The following EYA1 variants were observed in gnomAD, a reference collection of about 807,000 sequenced individuals.
The protein encoded by EYA1 is protein phosphatase EYA1.
EYA1 carries 16 observed loss-of-function variants against 82.0 expected under a neutral mutation model. The ratio of observed to expected loss-of-function variants is 0.20; its 90% CI spans 0.13 to 0.30. The LOEUF (loss-of-function observed/expected upper bound fraction) is 0.30, where lower values mean the gene tolerates loss of function less well. EYA1 is among the 10% of genes least tolerant of loss of function. EYA1 has a pLI of 1.00. For synonymous variants in EYA1, 261 were observed against 264.4 expected (o/e 0.99, Z 0.12); for missense variants, 633 against 730.7 (o/e 0.87, Z 1.54).
chr8:71,405,196 C>G (rs2129131982), intron 2 of EYA1, among the ~76,000 whole-genome samples: 1 of 152,226 alleles, frequency 6.6e-6, no homozygotes, highest in Non-Finnish European at 1.5e-5. Context: ...TAGCTTATTT[C>G]CTTTTCTGAA....
At chr8:71,469,624 C>A (rs897486077) in intron 2 of EYA1, among the ~76,000 whole-genome samples, 3 of 152,074 alleles carry the variant, frequency 2.0e-5, no homozygotes, top group Non-Finnish European at 4.4e-5. Context: ...ATGCAGTCAA[C>A]TGTTTTTACA....
intron 1 of EYA1, among the ~76,000 whole-genome samples, chr8:71,357,778 A>G (rs988334437): frequency 6.6e-6 from 1 of 152,236 alleles, no homozygotes; most frequent in Non-Finnish European, 1.5e-5. Flanking sequence ...TGTTTCTACA[A>G]TACGTGCAGG....
chr8:71,308,904 T>C (rs1032275675), intron 7 of EYA1, among the ~76,000 whole-genome samples: 8 of 152,158 alleles, frequency 5.3e-5, no homozygotes, highest in African/African-American at 1.9e-4. Flanking sequence ...TTGTCCCTCG[T>C]GTATTTTCAC....
chr8:71,490,214 G>A (rs1183249606), intron 2 of EYA1, among the ~76,000 whole-genome samples: 1 of 152,178 alleles, frequency 6.6e-6, no homozygotes, highest in Non-Finnish European at 1.5e-5. Flanking sequence ...AGTTGTGGGT[G>A]ACCTTTAGTA....
At chr8:71,420,088 T>C (rs1451730652) in intron 2 of EYA1, among the ~76,000 whole-genome samples, 1 of 152,176 alleles carries the variant, frequency 6.6e-6, no homozygotes, top group South Asian at 2.1e-4. Flanking sequence ...CCATGCATAA[T>C]TGATAGGCTC....
intron 3 of EYA1, among the ~76,000 whole-genome samples, chr8:71,339,802 C>T (rs1299344148): frequency 6.6e-6 from 1 of 152,174 alleles, no homozygotes; most frequent in Non-Finnish European, 1.5e-5. Flanking sequence ...TTCCTTGATA[C>T]TTCTTTTTAT....
chr8:71,452,430 C>T (rs1240041115), intron 2 of EYA1, among the ~76,000 whole-genome samples: 2 of 152,154 alleles, frequency 1.3e-5, no homozygotes, highest in African/African-American at 4.8e-5. Flanking sequence ...AGTGGTTCTC[C>T]CAGCACGGAG....
At chr8:71,248,769 CTG>C (rs1178523132) in intron 11 of EYA1, among the ~76,000 whole-genome samples, 7 of 152,266 alleles carry the variant, frequency 4.6e-5, no homozygotes, top group South Asian at 4.1e-4. Context: ...TACGTTAACA[CTG>C]TTAAAATTTC....
intron 12 of EYA1, chr8:71,225,327 G>T (rs1027174154): frequency 2.2e-6 from 1 of 456,094 alleles, no homozygotes; most frequent in Non-Finnish European, 4.4e-6. Flanking sequence ...GAGGGTATGT[G>T]GTTTGTAGCC....
chr8:71,495,812 G>A (rs1332845714), intron 2 of EYA1, among the ~76,000 whole-genome samples: 1 of 152,046 alleles, frequency 6.6e-6, no homozygotes, highest in African/African-American at 2.4e-5. Flanking sequence ...GATATGAGTG[G>A]TCTCCCTGGG....
rs190337134 is a variant in EYA1, at chr8:71,523,617, A to G, written c.33+12127T>C. Among the ~76,000 whole-genome samples the G allele has an allele frequency of 2.0e-3, 302 of 152,336 alleles. 4 individuals are homozygous for G. The highest frequency in any genetic ancestry group is 7.0e-3 in the Admixed American group (107 of 15,294). ...TAATGCTCAAAGTAATGAGAAGTTC[A>G]CCATAGAATCTCATTGCACACTTGT... On this transcript the variant is annotated intron_variant, in intron 2 of 18. Transcript: ENST00000643681.
At chr8:71,366,420 C>T (rs17785598), upstream of EYA1, among the ~76,000 whole-genome samples, 741 of 152,188 alleles carry the variant, frequency 4.9e-3, 1 homozygote, top group Middle Eastern at 0.017. Flanking sequence ...TGCTTTCTCG[C>T]GCTGTGAAAT....
chr8:71,396,735 T>C (rs1231517538), intron 2 of EYA1, among the ~76,000 whole-genome samples: 1 of 152,164 alleles, frequency 6.6e-6, no homozygotes, highest in Non-Finnish European at 1.5e-5. Flanking sequence ...TTGGAATAAG[T>C]GTGATGTGGT....
At chr8:71,365,842 C>T (rs545708388), upstream of EYA1, among the ~76,000 whole-genome samples, 204 of 152,274 alleles carry the variant, frequency 1.3e-3, 1 homozygote, top group African/African-American at 4.6e-3. Context: ...AAAACATCCT[C>T]TATTTATTTT....
intron 7 of EYA1, among the ~76,000 whole-genome samples, chr8:71,307,336 ACT>A (rs1355266742): frequency 6.6e-6 from 1 of 152,026 alleles, no homozygotes; most frequent in Non-Finnish European, 1.5e-5. Context: ...ACAATGTCTC[ACT>A]CTGTCACCCA....
intron 2 of EYA1, among the ~76,000 whole-genome samples, chr8:71,469,768 A>G (rs1357643195): frequency 6.6e-6 from 1 of 151,954 alleles, no homozygotes; most frequent in East Asian, 1.9e-4. Flanking sequence ...AGTGCCTTTG[A>G]CTTTCCTCTT....
upstream of EYA1, among the ~76,000 whole-genome samples, chr8:71,362,536 G>C (rs892511978): frequency 2.0e-5 from 3 of 152,034 alleles, no homozygotes; most frequent in African/African-American, 7.2e-5. Flanking sequence ...TACTGAAACA[G>C]GTCTGGGGGA....
intron 2 of EYA1, among the ~76,000 whole-genome samples, chr8:71,467,781 A>G (rs957616034): frequency 6.6e-6 from 1 of 152,188 alleles, no homozygotes; most frequent in Non-Finnish European, 1.5e-5. Context: ...AAAAATTAAT[A>G]GGCTGATAAT....
At chr8:71,223,704 C>T (rs1810224780) in intron 12 of EYA1, among the ~76,000 whole-genome samples, 1 of 152,210 alleles carries the variant, frequency 6.6e-6, no homozygotes, top group South Asian at 2.1e-4. Context: ...TTCTTGGCAT[C>T]AAGACTCAAG....
Sources: allele counts gnomAD v4.1 joint callset (sites outside exome capture counted in the v4.1 genomes callset), GRCh38; gene constraint gnomAD v4.1.1; transcripts MANE v1.5; gene names NCBI Gene and HGNC (gene_info 2026-07-23, HGNC 2026-07-21).